The following NFIL3 variants were observed in gnomAD, a reference collection of about 807,000 sequenced individuals.
NFIL3 encodes the protein nuclear factor, interleukin 3 regulated.
Under a neutral mutation model 10.0 loss-of-function variants are expected in NFIL3, and 5 were observed. The ratio of observed to expected loss-of-function variants is 0.50; its 90% CI spans 0.26 to 1.06. The LOEUF is 1.06. NFIL3 is among the 50% of genes least tolerant of loss of function. The pLI is 0.13. For synonymous variants in NFIL3, 202 were observed against 206.5 expected, an observed-to-expected ratio of 0.98 and a Z score of 0.19; for missense variants, 436 against 547.6, an observed-to-expected ratio of 0.80 and a Z score of 2.03.
upstream of NFIL3, among the ~76,000 whole-genome samples, chr9:91,427,721 C>G (rs776274613): frequency 3.6e-4 from 54 of 152,076 alleles, no homozygotes; most frequent in Admixed American, 5.9e-4. Context: ...CTCACTGCAG[C>G]CTTGACCCCC....
chr9:91,425,292 T>C (rs185255295), upstream of NFIL3, among the ~76,000 whole-genome samples: 1 of 152,354 alleles, frequency 6.6e-6, no homozygotes, highest in East Asian at 1.9e-4. Flanking sequence ...CAGATCTATC[T>C]ACTCGCCAAG....
chr9:91,436,965 A>G, the NFIL3 span, among the ~76,000 whole-genome samples: 4 of 152,200 alleles, frequency 2.6e-5, no homozygotes, highest in Non-Finnish European at 5.9e-5. Context: ...GTTTCAGGAT[A>G]AAACTGTTCC....
the NFIL3 span, among the ~76,000 whole-genome samples, chr9:91,431,015 T>C: frequency 6.6e-6 from 1 of 152,096 alleles, no homozygotes; most frequent in Admixed American, 6.5e-5. Context: ...GCCAGTGTGG[T>C]TGGTGACCAA....
chr9:91,425,371 T>A (rs1247466302), upstream of NFIL3, among the ~76,000 whole-genome samples: 26 of 152,188 alleles, frequency 1.7e-4, no homozygotes, highest in East Asian at 4.6e-3. Context: ...ATTTAAAAAA[T>A]TTTTATCACC....
intron 1 of NFIL3, among the ~76,000 whole-genome samples, chr9:91,417,782 G>C (rs1350062934): frequency 6.6e-6 from 1 of 152,094 alleles, no homozygotes; most frequent in Non-Finnish European, 1.5e-5. Flanking sequence ...ATGTGCACTT[G>C]ATCAAGACAG....
the NFIL3 span, among the ~76,000 whole-genome samples, chr9:91,467,060 T>G: frequency 6.6e-6 from 1 of 152,204 alleles, no homozygotes; most frequent in Non-Finnish European, 1.5e-5. Flanking sequence ...CAACAACTGT[T>G]ACCTTAGTCT....
At chr9:91,444,504 G>A in the NFIL3 span, among the ~76,000 whole-genome samples, 10 of 151,864 alleles carry the variant, frequency 6.6e-5, no homozygotes, top group Admixed American at 6.6e-5. Flanking sequence ...TTCGTTTTTT[G>A]TGTTTCTTGT....
At chr9:91,424,081 G>C (rs1833832118), upstream of NFIL3, among the ~76,000 whole-genome samples, 1 of 149,056 alleles carries the variant, frequency 6.7e-6, no homozygotes, top group African/African-American at 2.5e-5. Context: ...CCGAGCGCCC[G>C]CGAGGGCTGG....
chr9:91,471,542 T>C, the NFIL3 span, among the ~76,000 whole-genome samples: 1 of 151,696 alleles, frequency 6.6e-6, no homozygotes, highest in African/African-American at 2.4e-5. Context: ...CTTTAAGTTT[T>C]AGGGTACCTG....
chr9:91,469,675 A>C, the NFIL3 span, among the ~76,000 whole-genome samples: 1 of 152,228 alleles, frequency 6.6e-6, no homozygotes, highest in South Asian at 2.1e-4. Context: ...GTTTGTCATA[A>C]ATAGCTCTTA....
the NFIL3 span, among the ~76,000 whole-genome samples, chr9:91,466,516 C>G: frequency 6.6e-6 from 1 of 152,166 alleles, no homozygotes; most frequent in African/African-American, 2.4e-5. Context: ...TTTCTTCCCT[C>G]TCTTATCCCC....
chr9:91,466,779 G>A, the NFIL3 span, among the ~76,000 whole-genome samples: 4 of 152,142 alleles, frequency 2.6e-5, no homozygotes, highest in Admixed American at 2.6e-4. Flanking sequence ...GTATATACGG[G>A]TGTCAAGTTG....
In NFIL3 at chr9:91,410,805, A is replaced by C. The variant is rs1219562995; in HGVS notation, c.-71T>G. On this transcript the variant is annotated 5_prime_UTR_variant, in exon 2 of 2. Coordinates refer to ENST00000297689, the MANE Select transcript of NFIL3 (RefSeq NM_005384.3). The surrounding 1 kb of genome is among the most constrained non-coding windows in gnomAD (Gnocchi z 5.7). ...TTTCCCCGTATTCTCAAGCTCTTTA[A>C]AAACTCTGGTTTAAAATCCATCAAT... 4.2e-6 allele frequency: 6 copies of C among 1,437,966 alleles called. No homozygotes were observed. Among genetic ancestry groups the C allele is most frequent in the Middle Eastern group, 1.8e-4 (1 of 5,426 alleles). The allele number at this position is 1,437,966 out of a possible 1,614,324, so 89.1% of individuals were successfully genotyped here. A position where few individuals can be genotyped will look rare whatever the true frequency, so the allele number is the denominator to read the frequency against.
At chr9:91,444,600 C>A in the NFIL3 span, among the ~76,000 whole-genome samples, 1 of 152,092 alleles carries the variant, frequency 6.6e-6, no homozygotes, top group African/African-American at 2.4e-5. Context: ...AGATTTTCAC[C>A]CACAGATGGG....
the NFIL3 span, among the ~76,000 whole-genome samples, chr9:91,480,889 G>C: frequency 6.6e-6 from 1 of 152,208 alleles, no homozygotes; most frequent in Non-Finnish European, 1.5e-5. Context: ...AGGACTCAGA[G>C]TAAATAATAC....
upstream of NFIL3, among the ~76,000 whole-genome samples, chr9:91,428,470 G>T (rs746731234): frequency 1.3e-5 from 2 of 152,214 alleles, no homozygotes; most frequent in Non-Finnish European, 2.9e-5. Context: ...ATTAGCAGGA[G>T]TTCTATTAGC....
the NFIL3 span, among the ~76,000 whole-genome samples, chr9:91,467,032 G>C: frequency 2.0e-5 from 3 of 152,190 alleles, no homozygotes; most frequent in East Asian, 5.8e-4. Context: ...ACTGCATTGA[G>C]AGTCAAGCTA....
chr9:91,418,574 T>C (rs1833701538), intron 1 of NFIL3, among the ~76,000 whole-genome samples: 1 of 152,246 alleles, frequency 6.6e-6, no homozygotes, highest in Non-Finnish European at 1.5e-5. Flanking sequence ...ATAAATGTCA[T>C]TTTCTACCTT....
chr9:91,431,244 A>G, the NFIL3 span, among the ~76,000 whole-genome samples: 1 of 152,230 alleles, frequency 6.6e-6, no homozygotes, highest in African/African-American at 2.4e-5. Flanking sequence ...TCACACATTA[A>G]GAATTAGTGT....
Sources: allele counts gnomAD v4.1 joint callset (sites outside exome capture counted in the v4.1 genomes callset), GRCh38; gene constraint gnomAD v4.1.1; non-coding constraint Gnocchi (gnomAD v3.1); transcripts MANE v1.5; gene names NCBI Gene and HGNC (gene_info 2026-07-23, HGNC 2026-07-21).